ZNF644: variants seen among roughly 807,000 people sequenced by gnomAD.
ZNF644 encodes the protein zinc finger protein 644.
In ZNF644, 20 loss-of-function variants were observed where a neutral mutation model predicts 108.0. That is an observed-to-expected ratio of 0.19 (90% CI 0.13 to 0.27). The LOEUF (loss-of-function observed/expected upper bound fraction) is 0.27. Ranked by LOEUF, ZNF644 falls within the 10% of genes least tolerant of loss-of-function variation. ZNF644 has a pLI of 1.00. For missense variants in ZNF644, 1,338 were observed against 1,548.9 expected (o/e 0.86, Z 2.29); for synonymous variants, 542 against 539.1 (o/e 1.01, Z -0.08).
intron 2 of ZNF644, among the ~76,000 whole-genome samples, chr1:90,965,311 G>A (rs1405849944): frequency 6.6e-6 from 1 of 152,106 alleles, no homozygotes; most frequent in Non-Finnish European, 1.5e-5. Context: ...GGCCTGTAGA[G>A]AGCCATCTTT....
intron 1 of ZNF644, among the ~76,000 whole-genome samples, chr1:90,989,019 T>C (rs565662905): frequency 1.3e-5 from 2 of 152,128 alleles, no homozygotes; most frequent in South Asian, 4.1e-4. Context: ...GAACAAAAAA[T>C]GGAATTACAT....
intron 1 of ZNF644, among the ~76,000 whole-genome samples, chr1:91,008,866 G>T (rs1659683024): frequency 6.6e-6 from 1 of 152,138 alleles, no homozygotes; most frequent in Non-Finnish European, 1.5e-5. Context: ...ACAGTAGAAA[G>T]ACAAAAAATT....
chr1:91,004,176 A>C (rs1659177455), intron 1 of ZNF644, among the ~76,000 whole-genome samples: 1 of 152,094 alleles, frequency 6.6e-6, no homozygotes, highest in Non-Finnish European at 1.5e-5. Flanking sequence ...AAATTCCCCC[A>C]GTTTGATGAA....
At chr1:90,943,038 T>G (rs1309600761) in intron 2 of ZNF644, among the ~76,000 whole-genome samples, 2 of 152,206 alleles carry the variant, frequency 1.3e-5, no homozygotes, top group African/African-American at 4.8e-5. Context: ...GACCTTACAA[T>G]CTAACATTTA....
chr1:90,969,663 A>G (rs1266988650), intron 2 of ZNF644, among the ~76,000 whole-genome samples: 1 of 152,006 alleles, frequency 6.6e-6, no homozygotes, highest in East Asian at 1.9e-4. Flanking sequence ...TATCAAATCA[A>G]CTGTCTAGGT....
intron 2 of ZNF644, among the ~76,000 whole-genome samples, chr1:90,963,340 G>C (rs754638603): frequency 6.6e-6 from 1 of 152,082 alleles, no homozygotes; most frequent in African/African-American, 2.4e-5. Context: ...TTAATACCGA[G>C]TGTTAGTGAG....
rs184402672 is a variant in ZNF644, at chr1:91,007,296, C to T, written c.-18+14694G>A. 4.1e-3 allele frequency among the ~76,000 whole-genome samples: 552 copies of T among 135,790 alleles called. 2 individuals carry two copies. The highest frequency in any genetic ancestry group is 6.7e-3 in the South Asian group (29 of 4,314). The allele number at this position is 135,790 out of a possible 152,430, so 89.1% of individuals were successfully genotyped here. On this transcript the variant is annotated intron_variant, in intron 1 of 5. Transcript: ENST00000337393. ...TGTTGCACAGGCTGGAGCACAGTAG[C>T]GCCACCTCGGCTCACTGCAACCTCC... is the stretch of plus-strand genomic sequence containing the variant.
At chr1:90,932,952 T>C (rs1317829015) in intron 4 of ZNF644, among the ~76,000 whole-genome samples, 2 of 152,202 alleles carry the variant, frequency 1.3e-5, no homozygotes, top group Non-Finnish European at 2.9e-5. Context: ...CTAGTACTTC[T>C]AATATTTTGG....
chr1:90,960,484 A>C (rs1291208059), intron 2 of ZNF644, among the ~76,000 whole-genome samples: 4 of 152,168 alleles, frequency 2.6e-5, no homozygotes, highest in Non-Finnish European at 4.4e-5. Context: ...CTTCAAATGT[A>C]CACTCTATGG....
chr1:90,991,143 C>T (rs1196784188), intron 1 of ZNF644, among the ~76,000 whole-genome samples: 1 of 152,108 alleles, frequency 6.6e-6, no homozygotes, highest in African/African-American at 2.4e-5. Context: ...AGCAGCACTT[C>T]GGCAACAATA....
Position 90,999,051 on chromosome 1 carries a change from C to T in ZNF644, c.-17-16681G>A, listed in dbSNP as rs1247711391. On this transcript the variant is annotated intron_variant, in intron 1 of 5. Coordinates refer to ENST00000337393, the MANE Select transcript of ZNF644 (RefSeq NM_201269.3). ...GGAAATATGGGACTATGTGAAAAGA[C>T]CAAATCTACGCCTGATTGGTGTACC... 2.0e-5 allele frequency among the ~76,000 whole-genome samples: 3 copies of T among 152,242 alleles called. 1 individual carries two copies. In the Middle Eastern group the frequency reaches 0.01, roughly 518 times the overall value.
At chr1:90,951,491 T>C (rs1203862077) in intron 2 of ZNF644, among the ~76,000 whole-genome samples, 2 of 152,162 alleles carry the variant, frequency 1.3e-5, no homozygotes, top group African/African-American at 4.8e-5. Context: ...GCATTGACTA[T>C]TCCTCAGATG....
At chr1:90,925,718 C>T (rs907084183) in intron 4 of ZNF644, among the ~76,000 whole-genome samples, 19 of 151,924 alleles carry the variant, frequency 1.3e-4, no homozygotes, top group African/African-American at 3.9e-4. Flanking sequence ...AGATCACCTT[C>T]CTTATGAAAC....
intron 2 of ZNF644, among the ~76,000 whole-genome samples, chr1:90,964,611 T>C (rs1256147078): frequency 6.6e-6 from 1 of 152,144 alleles, no homozygotes. Context: ...TTGCATACAA[T>C]GTGATTCATT....
At chr1:90,944,938 TAAC>T (rs1652363849) in intron 2 of ZNF644, among the ~76,000 whole-genome samples, 2 of 152,318 alleles carry the variant, frequency 1.3e-5, no homozygotes, top group Admixed American at 1.3e-4. Context: ...TACAGAATTT[TAAC>T]ATCATCAAAA....
At chr1:90,999,761 A>C (rs1228946961) in intron 1 of ZNF644, among the ~76,000 whole-genome samples, 1 of 152,252 alleles carries the variant, frequency 6.6e-6, no homozygotes, top group Non-Finnish European at 1.5e-5. Flanking sequence ...TAAAGAGTCA[A>C]GACCCATCAG....
rs1457493091 is a variant in ZNF644, at chr1:90,952,104, A to G, written c.45-10795T>C. 3.9e-5 allele frequency among the ~76,000 whole-genome samples: 6 copies of G among 152,234 alleles called. No individual in the cohort carries two copies. In the East Asian group the frequency reaches 1.2e-3, roughly 29 times the overall value. ...TCCCAGTCTTAGAATTAAAATTCAG[A>G]AATGAAAAGGTCATCAACAGTGATA... On this transcript the variant is annotated intron_variant, in intron 2 of 5. Coordinates refer to ENST00000337393, the MANE Select transcript of ZNF644 (RefSeq NM_201269.3).
At chr1:90,936,086 T>A (rs181308313) in intron 4 of ZNF644, among the ~76,000 whole-genome samples, 3 of 152,310 alleles carry the variant, frequency 2.0e-5, no homozygotes, top group Non-Finnish European at 4.4e-5. Flanking sequence ...TGTTCATTAC[T>A]CTGAATGCGC....
At chr1:90,969,195 A>G (rs1405457506) in intron 2 of ZNF644, among the ~76,000 whole-genome samples, 1 of 152,162 alleles carries the variant, frequency 6.6e-6, no homozygotes, top group African/African-American at 2.4e-5. Context: ...TGGTGTCCTT[A>G]TAAGAAGATT....
Sources: gnomAD v4.1 joint callset for allele counts (sites outside exome capture counted in the v4.1 genomes callset) on GRCh38, gnomAD v4.1.1 for gene constraint, MANE v1.5 for transcripts, NCBI Gene and HGNC (gene_info 2026-07-23, HGNC 2026-07-21) for gene names.